The following SIRPB1 variants were observed in gnomAD, a reference collection of about 807,000 sequenced individuals.
The protein encoded by SIRPB1 is signal regulatory protein beta 1, also known as signal-regulatory protein beta-1.
A neutral mutation model predicts 34.1 loss-of-function variants in SIRPB1; 28 were observed. The observed-to-expected ratio is 0.82, with a 90% CI of 0.61 to 1.12. SIRPB1 has a LOEUF of 1.12. SIRPB1 is among the 50% of genes most tolerant of loss of function. SIRPB1 has a pLI of 0.00. For synonymous variants in SIRPB1, 211 were observed against 203.8 expected (o/e 1.04, Z -0.30); for missense variants, 499 against 507.0 (o/e 0.98, Z 0.15).
chr20:1,571,302 T>A (rs2091232859), intron 3 of SIRPB1, among the ~76,000 whole-genome samples, 165 bp from the exon 4 acceptor site: 1 of 152,136 alleles, frequency 6.6e-6, no homozygotes, highest in African/African-American at 2.4e-5. Context: ...TGAGTGAAAT[T>A]ACTAAGCACA....
chr20:1,571,955 A>T lies in SIRPB1; in HGVS notation c.516T>A (p.His172Gln). ...EHTVSFTCESHGFSPRDITLK... is the reference protein window; with the variant it reads ...EHTVSFTCESQGFSPRDITLK... ...GGGTGATGTCTCTGGGAGAGAAGCC[A>T]TGGGACTCGCAGGTGAAGCTCACTG... Residue 172 changes from histidine (H) to glutamine (Q), a missense_variant, in exon 3 of 6, where the codon CAT (histidine) becomes CAA (glutamine). By Grantham distance (24) the His-to-Gln change is conservative. Transcript: ENST00000381605. 4 of 1,614,120 alleles carry T rather than the reference A, an allele frequency of 2.5e-6. No homozygotes were observed. The highest frequency in any genetic ancestry group is 3.4e-6 in the Non-Finnish European group (4 of 1,179,990).
chr20:1,577,146 G>A (rs1389414309), intron 2 of SIRPB1, among the ~76,000 whole-genome samples: 1 of 148,388 alleles, frequency 6.7e-6, no homozygotes, highest in Non-Finnish European at 1.5e-5. Flanking sequence ...ATCTGAATGT[G>A]AGGTGCATTC....
chr20:1,616,216 A>T (rs1165260127), intron 1 of SIRPB1, among the ~76,000 whole-genome samples: 1 of 152,206 alleles, frequency 6.6e-6, no homozygotes, highest in Non-Finnish European at 1.5e-5. Context: ...GGACAAAACA[A>T]TCCTCAAGTT....
chr20:1,617,867 A>G (rs1381947610), intron 1 of SIRPB1, among the ~76,000 whole-genome samples: 1 of 152,222 alleles, frequency 6.6e-6, no homozygotes, highest in Admixed American at 6.5e-5. Context: ...TGGAGAAACA[A>G]TGATAAAAAA....
intron 1 of SIRPB1, among the ~76,000 whole-genome samples, chr20:1,618,022 T>C (rs1303450718): frequency 6.6e-6 from 1 of 152,116 alleles, no homozygotes; most frequent in Non-Finnish European, 1.5e-5. Context: ...TATATGTATA[T>C]ATAGACACAC....
intron 4 of SIRPB1, among the ~76,000 whole-genome samples, chr20:1,569,553 CG>C (rs1420215260): frequency 6.6e-6 from 1 of 152,206 alleles, no homozygotes; most frequent in African/African-American, 2.4e-5. Context: ...TCTTCTATTT[CG>C]TGTCTTTCCT....
chr20:1,565,096 G>A lies in SIRPB1; in HGVS notation c.*404C>T, dbSNP rs1007284129. ...TATAGGGGTTCATGTGTATTCAGGA[G>A]GCAGTAGAGAACCTCAACAAGGCTG... On this transcript the variant is annotated 3_prime_UTR_variant, in exon 6 of 6. Coordinates refer to ENST00000381605, the MANE Select transcript of SIRPB1 (RefSeq NM_006065.5). 1 of 398,588 alleles carries A rather than the reference G, an allele frequency of 2.5e-6. No homozygotes were observed. Among genetic ancestry groups the A allele is most frequent in the Non-Finnish European group, 4.4e-6 (1 of 226,090 alleles). The allele number at this position is 398,588 out of a possible 1,614,324, so 24.7% of individuals were successfully genotyped here. A position where few individuals can be genotyped will look rare whatever the true frequency, so the allele number is the denominator to read the frequency against.
Position 1,611,857 on chromosome 20 carries a change from A to G in SIRPB1, c.76+8012T>C. 2 of 346,230 alleles carry G rather than the reference A, an allele frequency of 5.8e-6. 1 individual carries two copies. The allele number at this position is 346,230 out of a possible 1,614,324, so 21.4% of individuals were successfully genotyped here. A position where few individuals can be genotyped will look rare whatever the true frequency, so the allele number is the denominator to read the frequency against. The stretch of plus-strand genomic sequence containing the variant: ...GCACACTACACGTATTATCTCATTT[A>G]ACCCTCACAACTGGCCTGTGACATA... On this transcript the variant is annotated intron_variant, in intron 1 of 5. Coordinates refer to ENST00000381605, the MANE Select transcript of SIRPB1 (RefSeq NM_006065.5).
At chr20:1,611,529 T>C (rs201724217) in intron 1 of SIRPB1, 1 of 906,098 alleles carries the variant, frequency 1.1e-6, no homozygotes. Flanking sequence ...TTGTTACCCG[T>C]GGGAAGTGGC....
chr20:1,565,654 T>G (rs886581161), intron 5 of SIRPB1, among the ~76,000 whole-genome samples, 157 bp from the exon 6 acceptor site: 1 of 149,502 alleles, frequency 6.7e-6, no homozygotes, highest in East Asian at 2.0e-4. Flanking sequence ...AGACCTGAGA[T>G]AGGACTCTGC....
chr20:1,614,750 G>A (rs1451953325), intron 1 of SIRPB1, among the ~76,000 whole-genome samples: 1 of 151,934 alleles, frequency 6.6e-6, no homozygotes, highest in Non-Finnish European at 1.5e-5. Context: ...CAATAGTAAT[G>A]GCAATGAGGA....
chr20:1,606,114 C>A (rs2091510437), intron 1 of SIRPB1, among the ~76,000 whole-genome samples: 1 of 60,354 alleles, frequency 1.7e-5, no homozygotes, highest in African/African-American at 1.1e-4. Context: ...CCAAATTGCA[C>A]CTCTTTATCT....
Position 1,562,917 on chromosome 20 carries a change from G to A in SIRPB1, c.*2583C>T, listed in dbSNP as rs1441282275. ...TGCAAGTGAGGTTCAAATTGAATGTGAGTGGAATTCTAGAAGTACAAATAG... is the reference window on the plus strand; with the variant it reads ...TGCAAGTGAGGTTCAAATTGAATGTAAGTGGAATTCTAGAAGTACAAATAG... On this transcript the variant is annotated 3_prime_UTR_variant, in exon 6 of 6. Transcript: ENST00000381605. 1.3e-5 allele frequency among the ~76,000 whole-genome samples: 2 copies of A among 152,322 alleles called. 1 individual carries two copies. Among genetic ancestry groups the A allele is most frequent in the East Asian group, 3.9e-4 (2 of 5,192 alleles).
intron 1 of SIRPB1, among the ~76,000 whole-genome samples, chr20:1,618,310 G>C (rs1299623637): frequency 2.6e-5 from 4 of 152,212 alleles, no homozygotes; most frequent in Non-Finnish European, 2.9e-5. Flanking sequence ...ATTTCTGCTA[G>C]TAGCATAACA....
At position 1,571,964 on chromosome 20, in the gene SIRPB1, G is replaced by A. The variant is rs369780504; in HGVS notation, c.507C>T (p.Cys169=). 28 of 1,613,988 alleles carry A rather than the reference G, an allele frequency of 1.7e-5. No individual in the cohort carries two copies. Among genetic ancestry groups the A allele is most frequent in the Middle Eastern group, 1.6e-4 (1 of 6,066 alleles). The stretch of plus-strand genomic sequence containing the variant: ...CTCTGGGAGAGAAGCCATGGGACTC[G>A]CAGGTGAAGCTCACTGTGTGCTCAG... ...ATPEHTVSFT[C]ESHGFSPRDI... The change falls in exon 3 of 6, where the codon TGC becomes TGT. Residue 169 remains cysteine, a synonymous_variant. Coordinates refer to ENST00000381605, the MANE Select transcript of SIRPB1 (RefSeq NM_006065.5).
At chr20:1,604,820 C>T in intron 1 of SIRPB1, 1 of 624,716 alleles carries the variant, frequency 1.6e-6, no homozygotes, top group Non-Finnish European at 2.1e-6. Flanking sequence ...TCGCAGATGA[C>T]TTGAGAGTGA....
Position 1,578,379 on chromosome 20 carries a change from A to T in SIRPB1, c.392T>A (p.Val131Glu). ...AGTGCCTGCTCCAGACTTAAACTCC[A>T]CGTCGTCAGGGCTCCCTTTCCGGAA... is the stretch of plus-strand genomic sequence containing the variant. ...VKFRKGSPDD[V>E]EFKSGAGTEL... is the part of the protein sequence containing the mutation. The change falls in exon 2 of 6, where the codon GTG becomes GAG. Residue 131 changes from valine (V) to glutamate (E), a missense_variant. By Grantham distance (121) the Val-to-Glu change is moderately radical. Coordinates refer to ENST00000381605, the MANE Select transcript of SIRPB1 (RefSeq NM_006065.5). 1 of 1,321,366 alleles carries T rather than the reference A, an allele frequency of 7.6e-7. No homozygotes were observed. Among genetic ancestry groups the T allele is most frequent in the African/African-American group, 1.4e-5 (1 of 70,000 alleles). 81.9% of individuals were successfully genotyped at this position (1,321,366 alleles called of 1,614,324 possible).
rs1350256733 is a variant in SIRPB1, at chr20:1,604,524, A to C, written c.76+15345T>G. ...GTGAAATAAATGAAACGGCTAGCAC[A>C]GTCCTTGGCACCTGGTGGGTGGTGT... On this transcript the variant is annotated intron_variant, in intron 1 of 5. Transcript: ENST00000381605. Among the ~76,000 whole-genome samples the C allele has an allele frequency of 8.4e-5, 4 of 47,506 alleles. 2 individuals are homozygous for C. Among genetic ancestry groups the C allele is most frequent in the Non-Finnish European group, 1.6e-4 (4 of 25,136 alleles). 31.2% of individuals were successfully genotyped at this position (47,506 alleles called of 152,430 possible).
chr20:1,579,897 G>A (rs2091378130), intron 1 of SIRPB1, among the ~76,000 whole-genome samples: 1 of 148,012 alleles, frequency 6.8e-6, no homozygotes, highest in Non-Finnish European at 1.5e-5. Context: ...TGATAAGTCT[G>A]AGGAAGAAGT....
Sources: gnomAD v4.1 joint callset for allele counts (sites outside exome capture counted in the v4.1 genomes callset) on GRCh38, gnomAD v4.1.1 for gene constraint, MANE v1.5 for transcripts, NCBI Gene and HGNC (gene_info 2026-07-23, HGNC 2026-07-21) for gene names.